Variants in CNBD1 observed in about 807,000 individuals in gnomAD.
CNBD1 encodes the protein cyclic nucleotide binding domain containing 1.
Under a neutral mutation model 54.4 loss-of-function variants are expected in CNBD1, and 71 were observed. The observed-to-expected ratio is 1.30, with a 90% CI of 1.08 to 1.59. The LOEUF (loss-of-function observed/expected upper bound fraction) is 1.59, where lower values mean the gene tolerates loss of function less well. Ranked by LOEUF, CNBD1 falls within the 40% of genes most tolerant of loss-of-function variation. CNBD1 has a pLI of 0.00. For synonymous variants in CNBD1, 182 were observed against 170.7 expected (o/e 1.07, Z -0.51); for missense variants, 659 against 518.0 (o/e 1.27, Z -2.64).
At chr8:87,240,636 C>G (rs1431432361) in intron 6 of CNBD1, among the ~76,000 whole-genome samples, 1 of 152,088 alleles carries the variant, frequency 6.6e-6, no homozygotes, top group Non-Finnish European at 1.5e-5. Context: ...TGGTCTATTC[C>G]CCTTTCTTAC....
intron 1 of CNBD1, among the ~76,000 whole-genome samples, chr8:86,880,930 G>A (rs1268506387): frequency 6.6e-6 from 1 of 152,102 alleles, no homozygotes; most frequent in Non-Finnish European, 1.5e-5. Context: ...AAAACCACAT[G>A]ATTATCTCAA....
intron 4 of CNBD1, among the ~76,000 whole-genome samples, chr8:87,129,518 T>G (rs1473195503): frequency 6.6e-6 from 1 of 152,202 alleles, no homozygotes; most frequent in Non-Finnish European, 1.5e-5. Context: ...TTTGTTGGTC[T>G]TTTCTAAGAC....
chr8:87,308,386 A>G (rs746670864), intron 8 of CNBD1, among the ~76,000 whole-genome samples: 14 of 152,194 alleles, frequency 9.2e-5, no homozygotes, highest in Non-Finnish European at 2.1e-4. Context: ...TGCAGCTCTC[A>G]GAATTAGTTA....
intron 4 of CNBD1, among the ~76,000 whole-genome samples, chr8:87,109,210 G>T (rs2130702026): frequency 6.6e-6 from 1 of 152,158 alleles, no homozygotes; most frequent in East Asian, 1.9e-4. Flanking sequence ...TAAAGGCTGA[G>T]ATTAAACCCT....
chr8:86,943,733 C>T (rs1807394340), intron 4 of CNBD1, among the ~76,000 whole-genome samples: 1 of 151,904 alleles, frequency 6.6e-6, no homozygotes, highest in Non-Finnish European at 1.5e-5. Flanking sequence ...TGAATATAAG[C>T]TTATCATGTG....
intron 4 of CNBD1, among the ~76,000 whole-genome samples, chr8:87,075,311 A>G (rs1314502514): frequency 1.3e-5 from 2 of 152,146 alleles, no homozygotes; most frequent in Non-Finnish European, 2.9e-5. Context: ...AACCAACCCA[A>G]TAGTCCCATA....
At chr8:87,260,565 A>T (rs548960223) in intron 6 of CNBD1, among the ~76,000 whole-genome samples, 1 of 152,264 alleles carries the variant, frequency 6.6e-6, no homozygotes, top group East Asian at 1.9e-4. Flanking sequence ...TTTACCATTC[A>T]TTCCACTGTT....
chr8:87,353,853 T>A, intron 10 of CNBD1, 67 bp downstream of exon 10: 1 of 1,276,306 alleles, frequency 7.8e-7, no homozygotes, highest in Non-Finnish European at 1.1e-6. Context: ...TTTTTTAAAT[T>A]TTTTTCCTTA....
chr8:86,900,282 C>T (rs1056584175), intron 2 of CNBD1, among the ~76,000 whole-genome samples: 2 of 151,798 alleles, frequency 1.3e-5, no homozygotes, highest in African/African-American at 4.9e-5. Context: ...CAGATATTTC[C>T]TTTTTAATAG....
At chr8:87,161,105 A>C (rs539334700) in intron 4 of CNBD1, among the ~76,000 whole-genome samples, 1 of 152,246 alleles carries the variant, frequency 6.6e-6, no homozygotes, top group East Asian at 1.9e-4. Flanking sequence ...CCAATTCTTC[A>C]TGAGGATATT....
chr8:87,392,936 G>A (rs912650626), intron 2 of CNBD1, among the ~76,000 whole-genome samples: 1 of 151,894 alleles, frequency 6.6e-6, no homozygotes. Context: ...CAATGACATG[G>A]CTAGCATTTA....
Position 87,251,545 on chromosome 8 carries a change from G to A in CNBD1, c.771+14433G>A, listed in dbSNP as rs541468660. ...AGAGGTTGCAGTGAGCCAAGATTGC[G>A]CCATTGCACTCCAGCCTGTACAACA... On this transcript the variant is annotated intron_variant, in intron 6 of 10. Transcript: ENST00000518476. Among the ~76,000 whole-genome samples the A allele has an allele frequency of 2.4e-4, 35 of 148,518 alleles. 1 individual carries two copies. In the South Asian group the frequency reaches 3.0e-3, roughly 13 times the overall value.
At chr8:87,030,866 C>T (rs1278761439) in intron 4 of CNBD1, among the ~76,000 whole-genome samples, 1 of 106,860 alleles carries the variant, frequency 9.4e-6, no homozygotes, top group Admixed American at 9.6e-5. Flanking sequence ...TCTCCTCCCT[C>T]TCCTCCCCTC....
intron 2 of CNBD1, among the ~76,000 whole-genome samples, chr8:87,403,082 A>C (rs1228265379): frequency 6.6e-6 from 1 of 152,072 alleles, no homozygotes; most frequent in African/African-American, 2.4e-5. Flanking sequence ...AGGTTTCCTC[A>C]TAAAGATGCT....
chr8:87,332,494 A>G (rs960489595), intron 8 of CNBD1, among the ~76,000 whole-genome samples: 2 of 152,098 alleles, frequency 1.3e-5, no homozygotes, highest in African/African-American at 2.4e-5. Context: ...GTTTTCTTCT[A>G]GGGTTTTTAT....
intron 4 of CNBD1, among the ~76,000 whole-genome samples, chr8:87,144,192 C>T (rs1245193614): frequency 6.6e-6 from 1 of 152,122 alleles, no homozygotes. Context: ...AAAGTGTTCT[C>T]CGGTTGATAA....
intron 4 of CNBD1, chr8:86,939,955 C>T (rs1013735364): frequency 6.5e-5 from 24 of 370,004 alleles, no homozygotes; most frequent in South Asian, 2.7e-4. Flanking sequence ...TGGTGTATCA[C>T]GGATATAATG....
chr8:87,282,350 A>G (rs1039864343), intron 6 of CNBD1, among the ~76,000 whole-genome samples: 4 of 151,702 alleles, frequency 2.6e-5, no homozygotes, highest in East Asian at 1.9e-4. Context: ...ACATTTACCA[A>G]TGTTTTTAGC....
chr8:87,400,172 C>A (rs185216506), intron 2 of CNBD1, among the ~76,000 whole-genome samples: 24 of 152,048 alleles, frequency 1.6e-4, no homozygotes, highest in Non-Finnish European at 4.4e-5. Context: ...ACCAATTATC[C>A]ATCTGCTAAA....
Sources: gnomAD v4.1 joint callset for allele counts (sites outside exome capture counted in the v4.1 genomes callset) on GRCh38, gnomAD v4.1.1 for gene constraint, MANE v1.5 for transcripts, NCBI Gene and HGNC (gene_info 2026-07-23, HGNC 2026-07-21) for gene names.